The following CAT variants were observed in gnomAD, a reference collection of about 807,000 sequenced individuals.
CAT encodes the protein catalase.
CAT carries 43 observed loss-of-function variants against 59.0 expected under a neutral mutation model. The ratio of observed to expected loss-of-function variants is 0.73; its 90% CI spans 0.57 to 0.94. The LOEUF is 0.94. Ranked by LOEUF, CAT falls within the 40% of genes least tolerant of loss-of-function variation. The pLI is 0.00. For synonymous variants in CAT, 218 were observed against 230.9 expected, an observed-to-expected ratio of 0.94 and a Z score of 0.51; for missense variants, 664 against 682.9, an observed-to-expected ratio of 0.97 and a Z score of 0.31.
At chr11:34,441,131 G>A (rs191353902) in intron 1 of CAT, among the ~76,000 whole-genome samples, 10 of 152,224 alleles carry the variant, frequency 6.6e-5, no homozygotes, top group South Asian at 4.1e-4. Context: ...AGTAAAAACC[G>A]CTTACTTCTT....
chr11:34,455,686 TTAAGTA>T (rs1461865661), intron 6 of CAT, among the ~76,000 whole-genome samples: 2 of 152,232 alleles, frequency 1.3e-5, no homozygotes, highest in African/African-American at 4.8e-5. Flanking sequence ...TTGCCTACTT[TTAAGTA>T]TATTTTGATT....
At chr11:34,450,305 T>G (rs1487387622) in intron 2 of CAT, among the ~76,000 whole-genome samples, 1 of 152,180 alleles carries the variant, frequency 6.6e-6, no homozygotes, top group African/African-American at 2.4e-5. Context: ...GGTGGTGGGT[T>G]TGTGATGATT....
rs1457482590 is a variant in CAT at position 34,471,441 on chromosome 11, G to A, written c.*8G>A. ...GAGAAGGCAAATCTGTGAGGCCGGGGCCCTGCACCTGTGCAGCGAAGCTTA... is the reference window on the plus strand; with the variant it reads ...GAGAAGGCAAATCTGTGAGGCCGGGACCCTGCACCTGTGCAGCGAAGCTTA... On this transcript the variant is annotated 3_prime_UTR_variant, in exon 13 of 13. Transcript: ENST00000241052. The A allele has an allele frequency of 1.2e-6, 2 of 1,612,748 alleles. No homozygotes were observed. Among genetic ancestry groups the A allele is most frequent in the Non-Finnish European group, 1.7e-6 (2 of 1,178,896 alleles).
intron 4 of CAT, among the ~76,000 whole-genome samples, chr11:34,452,737 C>T (rs2133183225): frequency 6.6e-6 from 1 of 151,930 alleles, no homozygotes; most frequent in East Asian, 1.9e-4. Context: ...TGCCTATAGT[C>T]CCAGCTACTT....
At chr11:34,452,948 T>C (rs1856544191) in intron 4 of CAT, 142 bp from the exon 5 acceptor site, 2 of 665,526 alleles carry the variant, frequency 3.0e-6, no homozygotes, top group African/African-American at 3.6e-5. Flanking sequence ...GTAAATTTCA[T>C]ATTATGGTTT....
intron 8 of CAT, among the ~76,000 whole-genome samples, chr11:34,457,976 C>A (rs1050291532): frequency 6.6e-6 from 1 of 152,180 alleles, no homozygotes; most frequent in Admixed American, 6.5e-5. Context: ...GTAAGTTTTT[C>A]ATTAGTTTTT....
At chr11:34,460,722 G>A (rs1472041196) in intron 8 of CAT, 3 of 197,172 alleles carry the variant, frequency 1.5e-5, no homozygotes, top group South Asian at 9.2e-5. Flanking sequence ...CAGAGTGCTG[G>A]GATTATAATA....
chr11:34,447,070 T>A (rs751260890), intron 1 of CAT, among the ~76,000 whole-genome samples: 1 of 152,222 alleles, frequency 6.6e-6, no homozygotes. Context: ...TTTTAAAGGC[T>A]TCCTTAAATA....
chr11:34,454,006 T>A, intron 6 of CAT, 80 bp downstream of exon 6: 1 of 1,473,006 alleles, frequency 6.8e-7, no homozygotes, highest in South Asian at 1.2e-5. Flanking sequence ...TGAGCAAAGA[T>A]TAAGGCTTCT....
intron 10 of CAT, among the ~76,000 whole-genome samples, chr11:34,467,897 C>G (rs923840545): frequency 6.6e-6 from 1 of 152,012 alleles, no homozygotes; most frequent in African/African-American, 2.4e-5. Flanking sequence ...AATTATATCT[C>G]TAGCTAAATT....
At chr11:34,451,154 G>A (rs1856520142) in intron 3 of CAT, 56 bp downstream of exon 3, 2 of 1,023,334 alleles carry the variant, frequency 2.0e-6, no homozygotes, top group Non-Finnish European at 3.1e-6. Flanking sequence ...ACCTTTTGGG[G>A]ATGTTTATAA....
Position 34,456,177 on chromosome 11 carries a change from C to A in CAT, c.878C>A (p.Pro293Gln), listed in dbSNP as rs772683252. The A allele has an allele frequency of 3.7e-6, 6 of 1,613,854 alleles. No individual in the cohort carries two copies. The highest frequency in any genetic ancestry group is 5.1e-6 in the Non-Finnish European group (6 of 1,179,848). Residue 293 changes from proline to glutamine, a missense_variant, in exon 7 of 13, where the codon CCA (proline) becomes CAA (glutamine). Coordinates refer to ENST00000241052, the MANE Select transcript of CAT (RefSeq NM_001752.4). Reference sequence around the variant, plus strand: ...ACATTTAATCAGGCAGAAACTTTTCCATTTAATCCATTCGATCTCACCAAG... The same window carrying A: ...ACATTTAATCAGGCAGAAACTTTTCAATTTAATCCATTCGATCTCACCAAG... ...VMTFNQAETF[P>Q]FNPFDLTKVW...
chr11:34,459,243 T>G (rs375284124), intron 8 of CAT, among the ~76,000 whole-genome samples: 32 of 152,216 alleles, frequency 2.1e-4, no homozygotes, highest in Middle Eastern at 3.4e-3. Context: ...GTAGGGAATA[T>G]GTAGATTGTC....
chr11:34,457,959 A>G (rs1856610402), intron 8 of CAT, among the ~76,000 whole-genome samples: 1 of 152,258 alleles, frequency 6.6e-6, no homozygotes. Context: ...TGAGGCTTTT[A>G]TAGAAAGTAA....
At chr11:34,450,733 G>A (rs920395395) in intron 2 of CAT, among the ~76,000 whole-genome samples, 12 of 152,112 alleles carry the variant, frequency 7.9e-5, no homozygotes, top group Non-Finnish European at 1.8e-4. Flanking sequence ...CAACCTTGAC[G>A]ACTTCTAGCC....
At chr11:34,453,337 A>G in intron 5 of CAT, 143 bp downstream of exon 5, 1 of 733,000 alleles carries the variant, frequency 1.4e-6, no homozygotes, top group South Asian at 1.4e-5. Context: ...GTTTTGTAGT[A>G]ACTGGCTTTA....
At position 34,471,729 on chromosome 11, in the gene CAT, C is replaced by T. The variant is rs2266625; in HGVS notation, c.*296C>T. Reference sequence around the variant, plus strand: ...TAGCTAGAAATATGATTTTATTTGACAAAATTTGTTGAAATTATGTATGTT... The same window carrying T: ...TAGCTAGAAATATGATTTTATTTGATAAAATTTGTTGAAATTATGTATGTT... On this transcript the variant is annotated 3_prime_UTR_variant, in exon 13 of 13. Transcript: ENST00000241052. 898 of 410,972 alleles carry T rather than the reference C, an allele frequency of 2.2e-3. 8 individuals carry two copies. The highest frequency in any genetic ancestry group is 0.017 in the African/African-American group (841 of 49,502). 25.5% of individuals were successfully genotyped at this position (410,972 alleles called of 1,614,324 possible). A position where few individuals can be genotyped will look rare whatever the true frequency, so the allele number is the denominator to read the frequency against.
At chr11:34,454,029 T>A in intron 6 of CAT, 103 bp downstream of exon 6, 6 of 1,243,050 alleles carry the variant, frequency 4.8e-6, no homozygotes, top group Non-Finnish European at 7.0e-6. Context: ...CACTTTTCCC[T>A]CACCTCCATC....
At chr11:34,470,092 T>C (rs1033399733) in intron 11 of CAT, among the ~76,000 whole-genome samples, 1 of 152,166 alleles carries the variant, frequency 6.6e-6, no homozygotes, top group African/African-American at 2.4e-5. Context: ...CCCAAAGATT[T>C]AGGGGTCATT....
Sources: allele counts gnomAD v4.1 joint callset (sites outside exome capture counted in the v4.1 genomes callset), GRCh38; gene constraint gnomAD v4.1.1; transcripts MANE v1.5; gene names NCBI Gene and HGNC (gene_info 2026-07-23, HGNC 2026-07-21).